The following RPUSD4 variants were observed in gnomAD, a reference collection of about 807,000 sequenced individuals.
RPUSD4 encodes the protein pseudouridylate synthase RPUSD4, mitochondrial.
RPUSD4 carries 37 observed loss-of-function variants against 35.4 expected under a neutral mutation model. That is an observed-to-expected ratio of 1.04 (90% CI 0.80 to 1.37). The LOEUF is 1.37. RPUSD4 is among the 40% of genes most tolerant of loss of function. The pLI, the probability that RPUSD4 is intolerant of heterozygous loss-of-function variation, is 0.00. For missense variants in RPUSD4, 507 were observed against 484.9 expected, an observed-to-expected ratio of 1.05 and a Z score of -0.43; for synonymous variants, 210 against 192.7, an observed-to-expected ratio of 1.09 and a Z score of -0.74.
chr11:126,211,376 C>A (rs1481668877), intron 1 of RPUSD4, 74 bp downstream of exon 1: 1 of 1,470,048 alleles, frequency 6.8e-7, no homozygotes, highest in Non-Finnish European at 9.2e-7. Context: ...CTCAGAGGAC[C>A]CTCCTACCTA....
At position 126,202,234 on chromosome 11, in the gene RPUSD4, T is replaced by C. The variant is rs1380831157; in HGVS notation, c.*1184A>G. The C allele has an allele frequency of 6.6e-6, 1 of 152,240 alleles. No homozygotes were observed. Among genetic ancestry groups the C allele is most frequent in the African/African-American group, 2.4e-5 (1 of 41,456 alleles). 9.4% of individuals were successfully genotyped at this position (152,240 alleles called of 1,614,324 possible). ...TGTACCCCCCTAACTGTGCTGTCAC[T>C]CCAACTCTGTCAGAAAGAAAAAGTA... On this transcript the variant is annotated 3_prime_UTR_variant, in exon 7 of 7. Transcript: ENST00000298317.
At chr11:126,211,313 C>T (rs1048519635) in intron 1 of RPUSD4, 137 bp downstream of exon 1, 4 of 1,067,010 alleles carry the variant, frequency 3.7e-6, no homozygotes, top group Admixed American at 2.3e-5. Context: ...CTCCCCTCCG[C>T]CTTCTCCCCA....
Position 126,204,242 on chromosome 11 carries a change from A to T in RPUSD4, c.883T>A (p.Leu295Met). 1 of 1,613,182 alleles carries T rather than the reference A, an allele frequency of 6.2e-7. No homozygotes were observed. Among genetic ancestry groups the T allele is most frequent in the Non-Finnish European group, 8.5e-7 (1 of 1,179,396 alleles). Residue 295 changes from leucine (L) to methionine (M), a missense_variant, in exon 6 of 7, where the codon TTG (leucine) becomes ATG (methionine). Transcript: ENST00000298317. ...CAAATTAGTATTACCTGGGGGGCCA[A>T]CCTATTCCAGTCTGAGTACTTGTGA... ...GDHKYSDWNR[L>M]APQKLSVGTL...
chr11:126,203,260 C>T lies in RPUSD4; in HGVS notation c.*158G>A. 1 of 1,081,164 alleles carries T rather than the reference C, an allele frequency of 9.2e-7. No individual in the cohort carries two copies. The highest frequency in any genetic ancestry group is 2.3e-5 in the Admixed American group (1 of 43,004). 67.0% of individuals were successfully genotyped at this position (1,081,164 alleles called of 1,614,324 possible). A position where few individuals can be genotyped will look rare whatever the true frequency, so the allele number is the denominator to read the frequency against. ...GCCCTGTAGCAGCTGAGTTGCTTTA[C>T]CTTATCCCACCTGGCTCTTACGCAG... On this transcript the variant is annotated 3_prime_UTR_variant, in exon 7 of 7. Coordinates refer to ENST00000298317, the MANE Select transcript of RPUSD4 (RefSeq NM_032795.3).
intron 1 of RPUSD4, 174 bp downstream of exon 1, chr11:126,211,276 G>A (rs550652348): frequency 3.2e-6 from 3 of 933,280 alleles, no homozygotes; most frequent in East Asian, 4.9e-5. Flanking sequence ...TCCAGCTCAC[G>A]GGAAAACACC....
rs1565316170 is a variant in RPUSD4 at position 126,204,332 on chromosome 11, AAAAG to A, written c.797-8_797-5del. The stretch of plus-strand genomic sequence containing the variant: ...ACTCGAAGCTGATGTTTTATTCCTT[AAAAG>A]AGAGAGAGAGAGAAAGAGAGAAAAC... On this transcript the variant is annotated splice_region_variant and splice_polypyrimidine_tract_variant and intron_variant, in intron 5 of 6. Transcript: ENST00000298317. 1 of 1,604,902 alleles carries A rather than the reference AAAAG, an allele frequency of 6.2e-7. No individual in the cohort carries two copies. Among genetic ancestry groups the A allele is most frequent in the Non-Finnish European group, 8.5e-7 (1 of 1,174,578 alleles).
In RPUSD4 at chr11:126,205,458, A is replaced by C. The variant is rs773094038; in HGVS notation, c.796+10T>G. Reference sequence around the variant, plus strand: ...TTTGTGATCCCACTGCGGAAAAGTGACACTCTCACCAGTGATGGGCTGGAG... The same window carrying C: ...TTTGTGATCCCACTGCGGAAAAGTGCCACTCTCACCAGTGATGGGCTGGAG... On this transcript the variant is annotated intron_variant, in intron 5 of 6. Coordinates refer to ENST00000298317, the MANE Select transcript of RPUSD4 (RefSeq NM_032795.3). The C allele has an allele frequency of 9.9e-6, 16 of 1,614,114 alleles. 1 individual carries two copies. The Middle Eastern group carries it at 2.1e-3, about 216-fold the overall frequency.
At chr11:126,203,737 A>G (rs1949739249) in intron 6 of RPUSD4, 80 bp from the exon 7 acceptor site, 1 of 1,521,184 alleles carries the variant, frequency 6.6e-7, no homozygotes, top group Admixed American at 2.0e-5. Flanking sequence ...GGGCACTTCT[A>G]CTTACAGGGA....
rs79884577 is a variant in RPUSD4 at position 126,209,806 on chromosome 11, A to C, written c.356-84T>G. ...TCCTTGGGAGAAAAGCCCTTAATGGATAAACTGTCAATATTTTCTAGAGCC... is the reference window on the plus strand; with the variant it reads ...TCCTTGGGAGAAAAGCCCTTAATGGCTAAACTGTCAATATTTTCTAGAGCC... On this transcript the variant is annotated intron_variant, in intron 2 of 6. Transcript: ENST00000298317. 1,701 of 1,100,190 alleles carry C rather than the reference A, an allele frequency of 1.5e-3. 3 individuals carry two copies. The highest frequency in any genetic ancestry group is 0.012 in the Middle Eastern group (41 of 3,370). The allele number at this position is 1,100,190 out of a possible 1,614,324, so 68.2% of individuals were successfully genotyped here.
rs377059388 is a variant in RPUSD4 at position 126,203,400 on chromosome 11, A to C, written c.*18T>G. On this transcript the variant is annotated 3_prime_UTR_variant, in exon 7 of 7. Coordinates refer to ENST00000298317, the MANE Select transcript of RPUSD4 (RefSeq NM_032795.3). ...GGTCTTCACTGTGCTCCCAGGTGCC[A>C]GGGTGCTCCCATGGTCTTCACTGTG... The C allele has an allele frequency of 5.6e-6, 9 of 1,606,766 alleles. No homozygotes were observed. The African/African-American group carries it at 1.2e-4, about 22-fold the overall frequency.
rs780850109 is a variant in RPUSD4 at position 126,203,525 on chromosome 11, A to G, written c.1027T>C (p.Cys343Arg). 5 of 1,614,224 alleles carry G rather than the reference A, an allele frequency of 3.1e-6. No homozygotes were observed. The Admixed American group carries it at 8.3e-5, about 27-fold the overall frequency. ...TGCACAAAGAAGCGAGGAAGTTTGCAGACCAAGTTGAGTTCCTCCTTCCCG... is the reference window on the plus strand; with the variant it reads ...TGCACAAAGAAGCGAGGAAGTTTGCGGACCAAGTTGAGTTCCTCCTTCCCG... ...GSGKEELNLV[C>R]KLPRFFVHSL... Residue 343 changes from cysteine to arginine, a missense_variant, in exon 7 of 7, where the codon TGC becomes CGC. Physicochemically the swap from Cys to Arg is radical, Grantham distance 180. Transcript: ENST00000298317.
rs1247793617 is a variant in RPUSD4 at position 126,203,274 on chromosome 11, G to A, written c.*144C>T. 7 of 1,210,834 alleles carry A rather than the reference G, an allele frequency of 5.8e-6. No homozygotes were observed. Among genetic ancestry groups the A allele is most frequent in the Non-Finnish European group, 6.9e-6 (6 of 867,100 alleles). 75.0% of individuals were successfully genotyped at this position (1,210,834 alleles called of 1,614,324 possible). A position where few individuals can be genotyped will look rare whatever the true frequency, so the allele number is the denominator to read the frequency against. ...GAGTTGCTTTACCTTATCCCACCTGGCTCTTACGCAGTCTGTTCCAAGTGA... is the reference window on the plus strand; with the variant it reads ...GAGTTGCTTTACCTTATCCCACCTGACTCTTACGCAGTCTGTTCCAAGTGA... On this transcript the variant is annotated 3_prime_UTR_variant, in exon 7 of 7. Transcript: ENST00000298317.
chr11:126,209,106 C>T (rs2135103257), intron 3 of RPUSD4: 1 of 160,078 alleles, frequency 6.2e-6, no homozygotes, highest in South Asian at 1.7e-4. Context: ...ATCCTCCCAC[C>T]CTGGCCTCCC....
At chr11:126,211,145 G>T in intron 1 of RPUSD4, 90 bp from the exon 2 acceptor site, 1 of 1,445,722 alleles carries the variant, frequency 6.9e-7, no homozygotes, top group Non-Finnish European at 9.5e-7. Flanking sequence ...ATCTGAGTAG[G>T]GAATGACTAT....
rs1312161022 is a variant in RPUSD4 at position 126,210,969 on chromosome 11, A to G, written c.276T>C (p.Ala92=). 2 of 1,614,062 alleles carry G rather than the reference A, an allele frequency of 1.2e-6. No homozygotes were observed. The highest frequency in any genetic ancestry group is 1.7e-6 in the Non-Finnish European group (2 of 1,180,054). ...GGAGAATTCCTCGGGTCAGTGCCTT[A>G]GCAAGCACGTTGGGGTGGACTCGCT... The part of the protein sequence containing the change: ...QLQRVHPNVL[A]KALTRGILHQ... Residue 92 remains alanine, a synonymous_variant, in exon 2 of 7, where the codon GCT becomes GCC. Coordinates refer to ENST00000298317, the MANE Select transcript of RPUSD4 (RefSeq NM_032795.3).
chr11:126,211,289 AC>A, intron 1 of RPUSD4, 160 bp downstream of exon 1: 2 of 938,916 alleles, frequency 2.1e-6, no homozygotes, highest in Non-Finnish European at 3.2e-6. Context: ...AAAACACCGT[AC>A]CCTTACTGAC....
In RPUSD4 at chr11:126,203,512, C is replaced by T. The variant is rs765735907; in HGVS notation, c.1040G>A (p.Arg347His). ...GCGGTGCAGGGAATGCACAAAGAAG[C>T]GAGGAAGTTTGCAGACCAAGTTGAG... ...EELNLVCKLP[R>H]FFVHSLHRLR... Residue 347 changes from arginine (R) to histidine (H), a missense_variant, in exon 7 of 7, where the codon CGC (arginine) becomes CAC (histidine). Physicochemically the swap from Arg to His is conservative, Grantham distance 29. Coordinates refer to ENST00000298317, the MANE Select transcript of RPUSD4 (RefSeq NM_032795.3). 17 of 1,614,006 alleles carry T rather than the reference C, an allele frequency of 1.1e-5. No homozygotes were observed. The South Asian group carries it at 1.3e-4, about 13-fold the overall frequency.
At chr11:126,204,154 T>C (rs1949743073) in intron 6 of RPUSD4, 77 bp downstream of exon 6, 2 of 988,054 alleles carry the variant, frequency 2.0e-6, no homozygotes, top group Admixed American at 4.0e-5. Context: ...TTGTTGTAAC[T>C]CATTTCAGAG....
At chr11:126,205,663 T>C (rs1440844704) in intron 4 of RPUSD4, 25 bp downstream of exon 4, 3 of 1,613,262 alleles carry the variant, frequency 1.9e-6, no homozygotes, top group East Asian at 2.2e-5. Context: ...CAGCAACCCA[T>C]GCCTCAGGGA....
Sources: gnomAD v4.1 joint callset for allele counts on GRCh38, gnomAD v4.1.1 for gene constraint, MANE v1.5 for transcripts, NCBI Gene and HGNC (gene_info 2026-07-23, HGNC 2026-07-21) for gene names.